Variants in TRIOBP observed in about 807,000 individuals in gnomAD.
The protein encoded by TRIOBP is TRIO and F-actin binding protein, also known as TRIO and F-actin-binding protein.
A neutral mutation model predicts 238.8 loss-of-function variants in TRIOBP; 169 were observed. The ratio of observed to expected loss-of-function variants is 0.71; its 90% CI spans 0.62 to 0.80. The LOEUF (loss-of-function observed/expected upper bound fraction) is 0.80. Among genes scored for constraint, TRIOBP ranks in the 30% least tolerant of loss-of-function variants. The probability of loss-of-function intolerance (pLI) is 0.00; values close to 1 mark genes in which losing one functional copy is unlikely to be tolerated. For missense variants in TRIOBP, 2,838 were observed against 3,122.6 expected, an observed-to-expected ratio of 0.91 and a Z score of 2.17; for synonymous variants, 1,150 against 1,274.4, an observed-to-expected ratio of 0.90 and a Z score of 2.08.
chr22:37,769,363 C>T lies in TRIOBP; in HGVS notation c.6837C>T (p.Ser2279=), dbSNP rs1225462758. 1 of 1,605,928 alleles carries T rather than the reference C, an allele frequency of 6.2e-7. No individual in the cohort carries two copies. Among genetic ancestry groups the T allele is most frequent in the Non-Finnish European group, 8.5e-7 (1 of 1,177,736 alleles). The change falls in exon 21 of 24, where the codon TCC becomes TCT. Residue 2279 remains serine, a synonymous_variant. Coordinates refer to ENST00000644935, the MANE Select transcript of TRIOBP (RefSeq NM_001039141.3). ...NGCGRSNERS[S]CELEVLLRVK... is the part of the protein sequence containing the mutation. ...GCGGGCGCAGCAACGAGCGGAGTTC[C>T]TGCGAGCTAGAGGTGAGTGTCCTCA...
intron 6 of TRIOBP, among the ~76,000 whole-genome samples, chr22:37,718,164 G>A (rs887564385): frequency 6.6e-6 from 1 of 152,304 alleles, no homozygotes; most frequent in South Asian, 2.1e-4. Context: ...ACGCCCACCC[G>A]GAACTCCAGC....
chr22:37,725,890 G>A lies in TRIOBP; in HGVS notation c.3334G>A (p.Val1112Met). 6.2e-7 allele frequency: 1 copy of A among 1,612,274 alleles called. No homozygotes were observed. The highest frequency in any genetic ancestry group is 8.5e-7 in the Non-Finnish European group (1 of 1,179,724). The change falls in exon 7 of 24, where the codon GTG (valine) becomes ATG (methionine). Residue 1112 changes from valine to methionine, a missense_variant. By Grantham distance (21) the Val-to-Met change is conservative. This residue lies in a region of TRIOBP where 2,096 missense variants were observed against 2,137.4 expected (regional missense o/e 0.98). Transcript: ENST00000644935. ...CGAGCCCCTTCAGCTCCCTGCACCT[G>A]TGTGTATTGGGTACCGAGATGCACC... ...QHEPLQLPAP[V>M]CIGYRDAPRA...
intron 11 of TRIOBP, among the ~76,000 whole-genome samples, chr22:37,748,737 C>T (rs1257892064): frequency 6.6e-6 from 1 of 152,108 alleles, no homozygotes; most frequent in Non-Finnish European, 1.5e-5. Context: ...CAACAGAGGC[C>T]TCTGAGAGGG....
rs548399638 is a variant in TRIOBP at position 37,769,899 on chromosome 22, T to A, written c.6849+524T>A. 2.7e-3 allele frequency among the ~76,000 whole-genome samples: 403 copies of A among 151,684 alleles called. 3 individuals carry two copies. Among genetic ancestry groups the A allele is most frequent in the African/African-American group, 9.4e-3 (389 of 41,342 alleles). ...CTGCACCACCACACCCAGCTAATTT[T>A]TTATATTTTTGGTAGAGACAAGTTT... On this transcript the variant is annotated intron_variant, in intron 21 of 23. Transcript: ENST00000644935.
Position 37,715,757 on chromosome 22 carries a change from TG to T in TRIOBP, c.457-4del. Reference sequence around the variant, plus strand: ...AAACATACTTTCTCCTCCCCTTCTCTGGCAGGACTGGGACACTGTTGAGAGG... The same window carrying T: ...AAACATACTTTCTCCTCCCCTTCTCTGCAGGACTGGGACACTGTTGAGAGG... On this transcript the variant is annotated splice_polypyrimidine_tract_variant and splice_region_variant and intron_variant, in intron 5 of 23. Coordinates refer to ENST00000644935, the MANE Select transcript of TRIOBP (RefSeq NM_001039141.3). The T allele has an allele frequency of 6.2e-7, 1 of 1,613,836 alleles. No homozygotes were observed. Among genetic ancestry groups the T allele is most frequent in the Non-Finnish European group, 8.5e-7 (1 of 1,179,974 alleles).
intron 11 of TRIOBP, among the ~76,000 whole-genome samples, chr22:37,749,870 C>T (rs1157121705): frequency 3.3e-5 from 5 of 151,828 alleles, no homozygotes; most frequent in Non-Finnish European, 5.9e-5. Context: ...GGAAGGATCG[C>T]TTGAGCCCAG....
chr22:37,729,696 C>T (rs961835063), intron 7 of TRIOBP, among the ~76,000 whole-genome samples: 22 of 152,202 alleles, frequency 1.4e-4, no homozygotes, highest in South Asian at 8.3e-4. Context: ...TGTTTTTACA[C>T]GATCACTCCT....
intron 11 of TRIOBP, among the ~76,000 whole-genome samples, chr22:37,744,198 C>T (rs1480162936): frequency 4.6e-5 from 7 of 151,800 alleles, no homozygotes; most frequent in African/African-American, 1.5e-4. Flanking sequence ...TTACCAGAGA[C>T]GGGGTTTCAC....
Position 37,711,982 on chromosome 22 carries a change from T to G in TRIOBP, c.255-1228T>G, listed in dbSNP as rs190088631. Among the ~76,000 whole-genome samples, 243 of 152,260 alleles carry G rather than the reference T, an allele frequency of 1.6e-3. 3 individuals carry two copies. Among genetic ancestry groups the G allele is most frequent in the Non-Finnish European group, 2.5e-4 (17 of 68,010 alleles). On this transcript the variant is annotated intron_variant, in intron 4 of 23. Transcript: ENST00000644935. ...TCAATGCCTGTGGAGCCATGCTGCCTCTCACATCCTCGTTAGCCAAGCATG... is the reference window on the plus strand; with the variant it reads ...TCAATGCCTGTGGAGCCATGCTGCCGCTCACATCCTCGTTAGCCAAGCATG...
rs1479612033 is a variant in TRIOBP at position 37,726,196 on chromosome 22, C to T, written c.3640C>T (p.Pro1214Ser). ...TCTGCATGGCTCCCCAGTGCTGATC[C>T]CCCAAGTGTGCATCGGGCACCGGGA... ...DSLHGSPVLI[P>S]QVCIGHRDAP... The change falls in exon 7 of 24, where the codon CCC becomes TCC. Residue 1214 changes from proline (P) to serine (S), a missense_variant. By Grantham distance (74) the Pro-to-Ser change is moderately conservative. Transcript: ENST00000644935. 7 of 1,558,738 alleles carry T rather than the reference C, an allele frequency of 4.5e-6. No individual in the cohort carries two copies. Among genetic ancestry groups the T allele is most frequent in the East Asian group, 2.5e-5 (1 of 39,974 alleles).
chr22:37,748,369 C>T (rs972979218), intron 11 of TRIOBP, among the ~76,000 whole-genome samples: 1 of 152,116 alleles, frequency 6.6e-6, no homozygotes, highest in African/African-American at 2.4e-5. Context: ...TGTGAGGCTC[C>T]GGGGCTTCAG....
rs572632148 is a variant in TRIOBP, at chr22:37,775,372, C to G, written c.*1592C>G. The G allele has an allele frequency of 6.6e-6, 1 of 152,238 alleles. No individual in the cohort carries two copies. Among genetic ancestry groups the G allele is most frequent in the African/African-American group, 2.4e-5 (1 of 41,534 alleles). The allele number at this position is 152,238 out of a possible 1,614,324, so 9.4% of individuals were successfully genotyped here. A position where few individuals can be genotyped will look rare whatever the true frequency, so the allele number is the denominator to read the frequency against. On this transcript the variant is annotated 3_prime_UTR_variant, in exon 24 of 24. Transcript: ENST00000644935. ...GAAGAGATTGTTTCCCATTCCCTTG[C>G]CAGGGATTGGTTGAGGAATGGACAA... is the stretch of plus-strand genomic sequence containing the variant.
intron 17 of TRIOBP, among the ~76,000 whole-genome samples, chr22:37,763,737 CGCCT>C (rs1926351618): frequency 6.6e-6 from 1 of 152,310 alleles, no homozygotes; most frequent in East Asian, 1.9e-4. Flanking sequence ...TGGCTGCTGC[CGCCT>C]GCCTATCAGT....
intron 9 of TRIOBP, 27 bp downstream of exon 9, chr22:37,735,469 G>T (rs1355685526): frequency 1.9e-6 from 3 of 1,546,032 alleles, no homozygotes; most frequent in Non-Finnish European, 2.6e-6. Context: ...CCTCCCAAGG[G>T]TAGCCAGAAA....
At chr22:37,763,343 C>T (rs1232601037) in intron 17 of TRIOBP, among the ~76,000 whole-genome samples, 2 of 152,176 alleles carry the variant, frequency 1.3e-5, no homozygotes, top group African/African-American at 2.4e-5. Context: ...GGGTGAAGAC[C>T]GCCTCTGAGG....
chr22:37,724,721 C>G lies in TRIOBP; in HGVS notation c.2165C>G (p.Thr722Arg). 2 of 1,612,474 alleles carry G rather than the reference C, an allele frequency of 1.2e-6. No homozygotes were observed. ...ACCACCCAACAAGAGAACCCCAGAA[C>G]ATCCTGTGCCCGACGGGACAATCCC... ...NRTTQQENPR[T>R]SCARRDNPRA... is the part of the protein sequence containing the mutation. The change falls in exon 7 of 24, where the codon ACA becomes AGA. Residue 722 changes from threonine (T) to arginine (R), a missense_variant. Physicochemically the swap from Thr to Arg is moderately conservative, Grantham distance 71. This residue lies in a region of TRIOBP where 167 missense variants were observed against 200.2 expected (regional missense o/e 0.83). Coordinates refer to ENST00000644935, the MANE Select transcript of TRIOBP (RefSeq NM_001039141.3).
chr22:37,747,865 A>G (rs1925365666), intron 11 of TRIOBP, among the ~76,000 whole-genome samples: 1 of 152,252 alleles, frequency 6.6e-6, no homozygotes, highest in Non-Finnish European at 1.5e-5. Context: ...GGTCCGTTCC[A>G]GCTTTCTTTC....
At chr22:37,700,864 G>A (rs192652194) in intron 2 of TRIOBP, among the ~76,000 whole-genome samples, 57 of 152,124 alleles carry the variant, frequency 3.7e-4, no homozygotes, top group Admixed American at 8.5e-4. Flanking sequence ...GCTGATTTTT[G>A]TATTTTTAGT....
chr22:37,751,052 C>G (rs1569054350), intron 11 of TRIOBP: 2 of 406,790 alleles, frequency 4.9e-6, no homozygotes, highest in East Asian at 1.4e-4. Flanking sequence ...TTGGCACCCA[C>G]TAGATGAGCA....
Sources: allele counts gnomAD v4.1 joint callset (sites outside exome capture counted in the v4.1 genomes callset), GRCh38; gene constraint gnomAD v4.1.1; regional missense constraint gnomAD v4.1.1; transcripts MANE v1.5; gene names NCBI Gene and HGNC (gene_info 2026-07-23, HGNC 2026-07-21).